Variants in MAP3K1 observed in about 807,000 individuals in gnomAD.
The protein encoded by MAP3K1 is mitogen-activated protein kinase kinase kinase 1.
MAP3K1 carries 36 observed loss-of-function variants against 144.2 expected under a neutral mutation model. The observed-to-expected ratio is 0.25, with a 90% CI of 0.19 to 0.33. The LOEUF is 0.33. Ranked by LOEUF, MAP3K1 falls within the 10% of genes least tolerant of loss-of-function variation. The probability of loss-of-function intolerance (pLI) is 1.00; values close to 1 mark genes in which losing one functional copy is unlikely to be tolerated. For synonymous variants in MAP3K1, 718 were observed against 688.7 expected, an observed-to-expected ratio of 1.04 and a Z score of -0.67; for missense variants, 1,650 against 1,881.9, an observed-to-expected ratio of 0.88 and a Z score of 2.28.
At chr5:56,852,079 C>G (rs535434369) in intron 1 of MAP3K1, 1 of 50,348 alleles carries the variant, frequency 2.0e-5, no homozygotes, top group Non-Finnish European at 5.0e-5. Context: ...GTATTCCTGG[C>G]AGGGAAAAAA....
chr5:56,888,041 A>G, intron 18 of MAP3K1, 185 bp from the exon 19 acceptor site: 1 of 624,356 alleles, frequency 1.6e-6, no homozygotes, highest in Non-Finnish European at 2.8e-6. Context: ...CAATTCTCCA[A>G]AATATTTTTG....
At chr5:56,853,103 C>T (rs1044684635) in intron 1 of MAP3K1, among the ~76,000 whole-genome samples, 1 of 152,070 alleles carries the variant, frequency 6.6e-6, no homozygotes, top group Non-Finnish European at 1.5e-5. Flanking sequence ...CTATATATTT[C>T]ATTGATTCAA....
At chr5:56,836,277 A>G (rs1375432249) in intron 1 of MAP3K1, among the ~76,000 whole-genome samples, 1 of 151,932 alleles carries the variant, frequency 6.6e-6, no homozygotes, top group African/African-American at 2.4e-5. Context: ...AATACCTCAT[A>G]GAAATACTCT....
chr5:56,891,912 G>A (rs1041460596), intron 19 of MAP3K1, among the ~76,000 whole-genome samples: 1 of 152,144 alleles, frequency 6.6e-6, no homozygotes, highest in Non-Finnish European at 1.5e-5. Flanking sequence ...TTTGGCACCA[G>A]TACCATGCTG....
At chr5:56,854,432 C>CA (rs10647091) in intron 1 of MAP3K1, among the ~76,000 whole-genome samples, 7,711 of 85,274 alleles carry the variant, frequency 0.09, 631 homozygotes, top group South Asian at 0.16. Flanking sequence ...AACTCCATCT[C>CA]AAAAAAAAAA....
chr5:56,875,764 A>AT (rs1748006202), intron 10 of MAP3K1, among the ~76,000 whole-genome samples: 1 of 152,146 alleles, frequency 6.6e-6, no homozygotes, highest in African/African-American at 2.4e-5. Context: ...ATTTTTAAAG[A>AT]TTTTTTTAAT....
chr5:56,848,088 A>G (rs796235613), intron 1 of MAP3K1, among the ~76,000 whole-genome samples: 1 of 112,714 alleles, frequency 8.9e-6, no homozygotes, highest in Non-Finnish European at 2.1e-5. Flanking sequence ...GACTGAGTCA[A>G]AGGTAATTGA....
chr5:56,820,929 A>C (rs1746135311), intron 1 of MAP3K1: 1 of 386,070 alleles, frequency 2.6e-6, no homozygotes, highest in Non-Finnish European at 3.5e-6. Context: ...CTATTTTCTG[A>C]TAAGAATATA....
chr5:56,888,285 T>C lies in MAP3K1; in HGVS notation c.4317T>C (p.Ile1439=). 1 of 1,613,862 alleles carries C rather than the reference T, an allele frequency of 6.2e-7. No individual in the cohort carries two copies. The highest frequency in any genetic ancestry group is 1.7e-5 in the Admixed American group (1 of 60,012). ...ATGTATGGAGTGTTGGCTGTGCTAT[T>C]ATAGAAATGGCTTGTGCAAAACCAC... ...SCDVWSVGCA[I]IEMACAKPPW... is the part of the protein sequence containing the mutation. Residue 1439 remains isoleucine (I), a synonymous_variant, in exon 19 of 20, where the codon ATT becomes ATC. Transcript: ENST00000399503.
chr5:56,841,343 G>C (rs3099459), intron 1 of MAP3K1, among the ~76,000 whole-genome samples: 117,593 of 151,954 alleles, frequency 0.77, 45,838 homozygotes, highest in Non-Finnish European at 0.82. Flanking sequence ...TACATAATAC[G>C]TGCCTCTCTT....
intron 1 of MAP3K1, among the ~76,000 whole-genome samples, chr5:56,852,676 C>G (rs564636377): frequency 6.6e-6 from 1 of 152,074 alleles, no homozygotes; most frequent in South Asian, 2.1e-4. Flanking sequence ...TTTTTAAGGT[C>G]AAAAGTGTAT....
rs376713624 is a variant in MAP3K1 at position 56,875,124 on chromosome 5, G to A, written c.1779G>A (p.Gly593=). 13 of 1,614,208 alleles carry A rather than the reference G, an allele frequency of 8.1e-6. No individual in the cohort carries two copies. The highest frequency in any genetic ancestry group is 1.1e-5 in the Non-Finnish European group (13 of 1,180,042). Residue 593 remains glycine, a synonymous_variant, in exon 10 of 20, where the codon GGG becomes GGA. Transcript: ENST00000399503. ...ALRRLSHDVS[G]ALLLANGEST... ...GGCGTCTTTCCCATGATGTCAGTGG[G>A]GCCCTGCTGTTGGCAAATGGGGAGA...
chr5:56,862,134 T>G (rs1339013208), intron 3 of MAP3K1: 3 of 152,226 alleles, frequency 2.0e-5, no homozygotes, highest in Non-Finnish European at 4.4e-5. Flanking sequence ...TGTGACATTC[T>G]CTGAAGATGA....
intron 3 of MAP3K1, among the ~76,000 whole-genome samples, chr5:56,861,561 A>G (rs546200585): frequency 1.7e-5 from 2 of 115,794 alleles, no homozygotes; most frequent in African/African-American, 3.5e-5. Flanking sequence ...CGACAGAGTG[A>G]GACTCCTAAA....
At chr5:56,865,729 A>G (rs1747653307) in intron 5 of MAP3K1, 100 bp from the exon 6 acceptor site, 1 of 1,312,516 alleles carries the variant, frequency 7.6e-7, no homozygotes, top group East Asian at 2.3e-5. Flanking sequence ...CAACTTTATG[A>G]AAAACATGCA....
At chr5:56,861,114 A>G (rs1360461848) in intron 3 of MAP3K1, among the ~76,000 whole-genome samples, 1 of 152,176 alleles carries the variant, frequency 6.6e-6, no homozygotes, top group Non-Finnish European at 1.5e-5. Context: ...AGTGTATGAT[A>G]ATAACAAAAT....
At position 56,896,022 on chromosome 5, in the gene MAP3K1, A is replaced by G. The variant is rs1431999587; in HGVS notation, c.*2342A>G. 4.4e-6 allele frequency: 1 copy of G among 229,086 alleles called. No individual in the cohort carries two copies. The highest frequency in any genetic ancestry group is 5.7e-5 in the Admixed American group (1 of 17,632). The allele number at this position is 229,086 out of a possible 1,614,324, so 14.2% of individuals were successfully genotyped here. A position where few individuals can be genotyped will look rare whatever the true frequency, so the allele number is the denominator to read the frequency against. Reference sequence around the variant, plus strand: ...TCTGGGTTAAGAAAATTTGGCTTAAATGTATCCTTTGTTATTTTAAATATA... The same window carrying G: ...TCTGGGTTAAGAAAATTTGGCTTAAGTGTATCCTTTGTTATTTTAAATATA... On this transcript the variant is annotated 3_prime_UTR_variant, in exon 20 of 20. Coordinates refer to ENST00000399503, the MANE Select transcript of MAP3K1 (RefSeq NM_005921.2).
rs724222 is a variant in MAP3K1, at chr5:56,824,088, A to T, written c.482+8033A>T. 1.4e-3 allele frequency among the ~76,000 whole-genome samples: 215 copies of T among 152,326 alleles called. 1 individual carries two copies. Among genetic ancestry groups the T allele is most frequent in the Admixed American group, 3.9e-3 (59 of 15,300 alleles). On this transcript the variant is annotated intron_variant, in intron 1 of 19. Transcript: ENST00000399503. ...TAATTTGATCATAATTCAACTTGGG[A>T]TAAATAAAAGTTCACATTTCCATTG...
chr5:56,835,725 G>A (rs537484974), intron 1 of MAP3K1, among the ~76,000 whole-genome samples: 1 of 151,946 alleles, frequency 6.6e-6, no homozygotes, highest in African/African-American at 2.4e-5. Flanking sequence ...AGATAAAAAG[G>A]GGGGGAATTT....
Sources: allele counts gnomAD v4.1 joint callset (sites outside exome capture counted in the v4.1 genomes callset), GRCh38; gene constraint gnomAD v4.1.1; transcripts MANE v1.5; gene names NCBI Gene and HGNC (gene_info 2026-07-23, HGNC 2026-07-21).